C3orf22: variants seen among roughly 807,000 people sequenced by gnomAD.
C3orf22 encodes the protein chromosome 3 open reading frame 22.
A neutral mutation model predicts 10.8 loss-of-function variants in C3orf22; 7 were observed. The observed-to-expected ratio is 0.65, with a 90% CI of 0.37 to 1.22. C3orf22 has a LOEUF of 1.22. C3orf22 is among the 50% of genes most tolerant of loss of function. The pLI, the probability that C3orf22 is intolerant of heterozygous loss-of-function variation, is 0.02. For missense variants in C3orf22, 173 were observed against 177.0 expected (o/e 0.98, Z 0.13); for synonymous variants, 79 against 78.9 (o/e 1.00, Z 0.00).
chr3:126,537,563 C>T (rs1429758742), intron 4 of C3orf22, among the ~76,000 whole-genome samples: 1 of 152,138 alleles, frequency 6.6e-6, no homozygotes, highest in Non-Finnish European at 1.5e-5. Flanking sequence ...GGGAGGCCTT[C>T]CTTCGCAGAG....
intron 4 of C3orf22, among the ~76,000 whole-genome samples, chr3:126,531,351 G>A (rs1348408719): frequency 6.6e-6 from 1 of 152,260 alleles, no homozygotes; most frequent in East Asian, 1.9e-4. Flanking sequence ...GTTTACTGGC[G>A]TGCCAGAAGT....
intron 4 of C3orf22, among the ~76,000 whole-genome samples, chr3:126,531,696 T>G (rs1026765885): frequency 6.6e-6 from 1 of 152,236 alleles, no homozygotes; most frequent in Admixed American, 6.5e-5. Context: ...TACCACATTT[T>G]TATTATCCAT....
chr3:126,534,593 T>C (rs1209068018), intron 4 of C3orf22, among the ~76,000 whole-genome samples: 36 of 131,348 alleles, frequency 2.7e-4, no homozygotes, highest in Middle Eastern at 5.2e-3. Context: ...AGAGAGCATC[T>C]CTGTCCTCAG....
intron 4 of C3orf22, among the ~76,000 whole-genome samples, chr3:126,530,167 C>T (rs528422567): frequency 6.6e-6 from 1 of 152,352 alleles, no homozygotes; most frequent in South Asian, 2.1e-4. Flanking sequence ...GTCTGCAGGG[C>T]CCAGGCTCCT....
rs574811125 is a variant in C3orf22 at position 126,558,694 on chromosome 3, C to T, written c.-108G>A. The T allele has an allele frequency of 6.6e-5, 10 of 152,528 alleles. No homozygotes were observed. The highest frequency in any genetic ancestry group is 1.7e-4 in the African/African-American group (7 of 41,586). 9.4% of individuals were successfully genotyped at this position (152,528 alleles called of 1,614,324 possible). Reference sequence around the variant, plus strand: ...TGATCAGAGAGTCCTGGAACTGCTCCTATCCAGCAAGATGCTGGTGTGAGA... The same window carrying T: ...TGATCAGAGAGTCCTGGAACTGCTCTTATCCAGCAAGATGCTGGTGTGAGA... On this transcript the variant is annotated 5_prime_UTR_variant, in exon 1 of 4. Transcript: ENST00000318225.
At position 126,549,873 on chromosome 3, in the gene C3orf22, A is replaced by T. The variant is rs1937140081; in HGVS notation, c.421T>A (p.Ser141Thr). The T allele has an allele frequency of 6.2e-7, 1 of 1,612,054 alleles. No individual in the cohort carries two copies. The highest frequency in any genetic ancestry group is 8.5e-7 in the Non-Finnish European group (1 of 1,179,120). The change falls in exon 4 of 4, where the codon TCC becomes ACC. Residue 141 changes from serine to threonine, a missense_variant. Transcript: ENST00000318225. ...CCACACACAGAGCCCAGTCTCTAGG[A>T]GAGGCCCCTGGACAGCCCTGCCGCC... is the stretch of plus-strand genomic sequence containing the variant. ...SKAAGLSRGL[S>T]
At chr3:126,549,571 A>T (rs770607301), downstream of C3orf22, 49 of 1,098,464 alleles carry the variant, frequency 4.5e-5, no homozygotes, top group Non-Finnish European at 5.7e-5. Context: ...AAGTCCTAGA[A>T]GTGACATTCA....
At chr3:126,544,822 C>G (rs1050183153), downstream of C3orf22, among the ~76,000 whole-genome samples, 3 of 152,242 alleles carry the variant, frequency 2.0e-5, no homozygotes, top group Non-Finnish European at 4.4e-5. Flanking sequence ...ACTGATGCCC[C>G]CATGTGTACA....
downstream of C3orf22, among the ~76,000 whole-genome samples, chr3:126,547,210 G>A (rs370138311): frequency 7.9e-5 from 12 of 152,296 alleles, no homozygotes; most frequent in East Asian, 1.5e-3. Context: ...AGGGCACAGG[G>A]CCCATGTTGC....
At chr3:126,541,417 C>T (rs148071737) in intron 4 of C3orf22, among the ~76,000 whole-genome samples, 20 of 152,308 alleles carry the variant, frequency 1.3e-4, no homozygotes, top group Non-Finnish European at 2.6e-4. Flanking sequence ...CATGTGTGCC[C>T]GTACTCACAC....
chr3:126,531,878 A>G (rs2087600), intron 4 of C3orf22, among the ~76,000 whole-genome samples: 151,991 of 152,316 alleles, frequency 1, 75,836 homozygotes, highest in Middle Eastern at 1. Flanking sequence ...TTAAGAAACC[A>G]CCAAACTGTT....
chr3:126,543,544 T>C (rs1284362880), intron 4 of C3orf22, among the ~76,000 whole-genome samples: 1 of 152,058 alleles, frequency 6.6e-6, no homozygotes, highest in Non-Finnish European at 1.5e-5. Context: ...TTGGGGAAAA[T>C]CTACTCTTTC....
At chr3:126,535,103 C>CAGAT (rs1170457542) in intron 4 of C3orf22, among the ~76,000 whole-genome samples, 1 of 74,350 alleles carries the variant, frequency 1.3e-5, no homozygotes, top group East Asian at 4.7e-4. Context: ...GACAGATAGA[C>CAGAT]AGCATCACTG....
chr3:126,555,874 T>A (rs1559756063), intron 1 of C3orf22, among the ~76,000 whole-genome samples: 1 of 151,944 alleles, frequency 6.6e-6, no homozygotes. Context: ...CTCTGGGAGG[T>A]CCCTTGATGG....
downstream of C3orf22, among the ~76,000 whole-genome samples, chr3:126,547,776 T>G (rs4679125): frequency 1 from 151,917 of 152,214 alleles, 75,813 homozygotes; most frequent in Middle Eastern, 1. Flanking sequence ...TATCATGGGT[T>G]GGGGAGGGGA....
intron 3 of C3orf22, 120 bp downstream of exon 3, chr3:126,551,877 G>T: frequency 2.6e-6 from 3 of 1,140,692 alleles, no homozygotes; most frequent in Non-Finnish European, 3.7e-6. Context: ...AGTTTCCTCA[G>T]CTTTAAAGTG....
At chr3:126,534,343 G>A (rs534974431) in intron 4 of C3orf22, among the ~76,000 whole-genome samples, 28 of 152,190 alleles carry the variant, frequency 1.8e-4, no homozygotes, top group Non-Finnish European at 3.5e-4. Context: ...ATAGGTAAAC[G>A]GATTTTTACT....
chr3:126,553,628 G>A (rs557358096), intron 1 of C3orf22, among the ~76,000 whole-genome samples, 198 bp from the exon 2 acceptor site: 1 of 152,238 alleles, frequency 6.6e-6, no homozygotes, highest in South Asian at 2.1e-4. Context: ...CTCACCAGAC[G>A]CTCTCCCCAA....
intron 4 of C3orf22, among the ~76,000 whole-genome samples, chr3:126,531,611 A>G (rs1027442371): frequency 2.6e-5 from 4 of 152,268 alleles, no homozygotes; most frequent in African/African-American, 7.2e-5. Context: ...TAACGTTTAC[A>G]AGGTTCAGCC....
Sources: allele counts gnomAD v4.1 joint callset (sites outside exome capture counted in the v4.1 genomes callset), GRCh38; gene constraint gnomAD v4.1.1; transcripts MANE v1.5; gene names NCBI Gene and HGNC (gene_info 2026-07-23, HGNC 2026-07-21).